Variants in OSTF1 observed in about 807,000 individuals in gnomAD.
OSTF1 encodes the protein osteoclast stimulating factor 1.
A neutral mutation model predicts 37.2 loss-of-function variants in OSTF1; 27 were observed. The ratio of observed to expected loss-of-function variants is 0.73; its 90% CI spans 0.54 to 1.00. The LOEUF (loss-of-function observed/expected upper bound fraction) is 1.00. OSTF1 is among the 50% of genes least tolerant of loss of function. The pLI, the probability that OSTF1 is intolerant of heterozygous loss-of-function variation, is 0.00. For missense variants in OSTF1, 232 were observed against 253.8 expected, an observed-to-expected ratio of 0.91 and a Z score of 0.58; for synonymous variants, 82 against 89.2, an observed-to-expected ratio of 0.92 and a Z score of 0.46.
intron 1 of OSTF1, among the ~76,000 whole-genome samples, chr9:75,097,878 G>A (rs1825116692): frequency 1.3e-5 from 2 of 149,194 alleles, no homozygotes; most frequent in African/African-American, 5.0e-5. Context: ...TCTCTTTGAG[G>A]CAAGGGTCTG....
chr9:75,138,705 C>G (rs1331482914), intron 8 of OSTF1, among the ~76,000 whole-genome samples: 2 of 152,034 alleles, frequency 1.3e-5, no homozygotes, highest in African/African-American at 4.8e-5. Context: ...ACATTATATT[C>G]CTATTAGTGC....
chr9:75,144,562 C>T (rs1351043489), intron 9 of OSTF1, among the ~76,000 whole-genome samples: 2 of 152,058 alleles, frequency 1.3e-5, no homozygotes, highest in Non-Finnish European at 2.9e-5. Context: ...GAGACTTGGC[C>T]TCTGTTCTGC....
intron 8 of OSTF1, 101 bp from the exon 9 acceptor site, chr9:75,140,733 C>G (rs12341340): frequency 1.4e-6 from 1 of 697,620 alleles, no homozygotes; most frequent in Non-Finnish European, 2.5e-6. Flanking sequence ...GAGTTGTTCA[C>G]TAGTTTATTT....
At chr9:75,089,142 C>T (rs1205165059) in intron 1 of OSTF1, among the ~76,000 whole-genome samples, 2 of 151,910 alleles carry the variant, frequency 1.3e-5, no homozygotes, top group Non-Finnish European at 2.9e-5. Context: ...GGTTCCTGAC[C>T]GGCCAGAGCG....
chr9:75,139,385 C>A (rs1398453032), intron 8 of OSTF1, among the ~76,000 whole-genome samples: 1 of 151,948 alleles, frequency 6.6e-6, no homozygotes, highest in African/African-American at 2.4e-5. Context: ...ATGATACTTT[C>A]CTACACTGTG....
At chr9:75,106,990 A>AAAAAG (rs573783761) in intron 1 of OSTF1, among the ~76,000 whole-genome samples, 2 of 140,410 alleles carry the variant, frequency 1.4e-5, no homozygotes, top group Non-Finnish European at 3.0e-5. Flanking sequence ...AAAAAAAGAA[A>AAAAAG]AAAAAAAAAA....
intron 2 of OSTF1, among the ~76,000 whole-genome samples, chr9:75,125,842 G>A (rs1050519525): frequency 1.9e-4 from 29 of 152,302 alleles, no homozygotes; most frequent in African/African-American, 6.7e-4. Flanking sequence ...TACTGCTCTA[G>A]TCTGCTACTG....
chr9:75,146,691 C>G lies in OSTF1; in HGVS notation c.595C>G (p.Arg199Gly). Residue 199 changes from arginine (R) to glycine (G), a missense_variant, in exon 10 of 10, where the codon CGA becomes GGA. Arg to Gly is a moderately radical substitution (Grantham distance 125). Transcript: ENST00000346234. ...LKKKQGTDAV[R>G]TLSNAEDYLD... Reference sequence around the variant, plus strand: ...CCTCCTCTTTCTTTCAGATGCAGTTCGAACATTAAGCAATGCCGAGGACTA... The same window carrying G: ...CCTCCTCTTTCTTTCAGATGCAGTTGGAACATTAAGCAATGCCGAGGACTA... 1 of 1,608,308 alleles carries G rather than the reference C, an allele frequency of 6.2e-7. No homozygotes were observed. The highest frequency in any genetic ancestry group is 8.5e-7 in the Non-Finnish European group (1 of 1,176,568).
intron 1 of OSTF1, among the ~76,000 whole-genome samples, chr9:75,096,085 G>T (rs992958591): frequency 6.6e-6 from 1 of 152,108 alleles, no homozygotes; most frequent in Non-Finnish European, 1.5e-5. Flanking sequence ...TAGAGTCAGG[G>T]TTTCACCGTG....
chr9:75,121,919 C>T (rs528802184), intron 2 of OSTF1, among the ~76,000 whole-genome samples: 1 of 152,320 alleles, frequency 6.6e-6, no homozygotes, highest in African/African-American at 2.4e-5. Flanking sequence ...TGTTCCCCCT[C>T]AGGAGATGGG....
intron 1 of OSTF1, among the ~76,000 whole-genome samples, chr9:75,106,008 T>C (rs74830266): frequency 1.3e-5 from 2 of 152,346 alleles, no homozygotes; most frequent in East Asian, 3.9e-4. Context: ...ACACTCAGGC[T>C]ACTGTTTTTA....
chr9:75,131,239 C>G (rs1277184518), intron 4 of OSTF1, among the ~76,000 whole-genome samples: 1 of 152,220 alleles, frequency 6.6e-6, no homozygotes, highest in Non-Finnish European at 1.5e-5. Context: ...CCTACTGATT[C>G]TAGGACAGCA....
rs566366498 is a variant in OSTF1, at chr9:75,139,027, C to CTTTCTTTCTTTCTTTCTTTCT, written c.487+1413_487+1414insTCTTTCTTTCTTTCTTTCTTT. 1.4e-3 allele frequency among the ~76,000 whole-genome samples: 167 copies of CTTTCTTTCTTTCTTTCTTTCT among 120,544 alleles called. 2 individuals carry two copies. The highest frequency in any genetic ancestry group is 3.3e-3 in the African/African-American group (104 of 31,368). 79.1% of individuals were successfully genotyped at this position (120,544 alleles called of 152,430 possible). A position where few individuals can be genotyped will look rare whatever the true frequency, so the allele number is the denominator to read the frequency against. ...TTCTTTGCCTTTAAATTTGGGGACA[C>CTTTCTTTCTTTCTTTCTTTCT]TTCTTTCTTTCTTTCTTTCTTTCTT... On this transcript the variant is annotated intron_variant, in intron 8 of 9. Coordinates refer to ENST00000346234, the MANE Select transcript of OSTF1 (RefSeq NM_012383.5).
chr9:75,107,010 C>T (rs1289209166), intron 1 of OSTF1, among the ~76,000 whole-genome samples: 1 of 149,620 alleles, frequency 6.7e-6, no homozygotes, highest in Non-Finnish European at 1.5e-5. Flanking sequence ...AAGCAGTGGG[C>T]TTTTGTGGAA....
At chr9:75,114,773 C>T (rs553220830) in intron 1 of OSTF1, among the ~76,000 whole-genome samples, 18 of 152,178 alleles carry the variant, frequency 1.2e-4, no homozygotes, top group African/African-American at 3.6e-4. Flanking sequence ...AGGCTGGGCT[C>T]GAACTCCTGG....
intron 1 of OSTF1, among the ~76,000 whole-genome samples, chr9:75,105,068 A>G (rs2118444240): frequency 1.3e-5 from 2 of 152,310 alleles, no homozygotes; most frequent in African/African-American, 4.8e-5. Flanking sequence ...TAGAAGGATA[A>G]TTTAGTTTTG....
chr9:75,119,014 G>C (rs188093671), intron 2 of OSTF1, among the ~76,000 whole-genome samples: 1 of 152,304 alleles, frequency 6.6e-6, no homozygotes, highest in Non-Finnish European at 1.5e-5. Flanking sequence ...GCTTCACCTG[G>C]GTTTGCCCCA....
At chr9:75,120,204 G>A (rs373755153) in intron 2 of OSTF1, among the ~76,000 whole-genome samples, 8 of 152,112 alleles carry the variant, frequency 5.3e-5, no homozygotes, top group African/African-American at 1.2e-4. Flanking sequence ...TTGGATCATC[G>A]TATGTCAGGG....
In OSTF1 at chr9:75,128,387, T is replaced by TGTCC. The variant is rs1439910491; in HGVS notation, c.132+768_132+769insGTCC. Among the ~76,000 whole-genome samples the TGTCC allele has an allele frequency of 3.7e-4, 34 of 91,732 alleles. 1 individual carries two copies. The highest frequency in any genetic ancestry group is 1.5e-3 in the African/African-American group (33 of 22,124). The allele number at this position is 91,732 out of a possible 152,430, so 60.2% of individuals were successfully genotyped here. A position where few individuals can be genotyped will look rare whatever the true frequency, so the allele number is the denominator to read the frequency against. The stretch of plus-strand genomic sequence containing the variant: ...ACATATATATATATATATATATATA[T>TGTCC]ATATATATATATATATATATTTTGT... On this transcript the variant is annotated intron_variant, in intron 3 of 9. Coordinates refer to ENST00000346234, the MANE Select transcript of OSTF1 (RefSeq NM_012383.5).
Sources: gnomAD v4.1 joint callset for allele counts (sites outside exome capture counted in the v4.1 genomes callset) on GRCh38, gnomAD v4.1.1 for gene constraint, MANE v1.5 for transcripts, NCBI Gene and HGNC (gene_info 2026-07-23, HGNC 2026-07-21) for gene names.